BNC2: variants seen among roughly 807,000 people sequenced by gnomAD.
BNC2 encodes the protein zinc finger protein basonuclin-2.
Under a neutral mutation model 76.3 loss-of-function variants are expected in BNC2, and 20 were observed. That is an observed-to-expected ratio of 0.26 (90% CI 0.18 to 0.38). The LOEUF (loss-of-function observed/expected upper bound fraction) is 0.38, where lower values mean the gene tolerates loss of function less well. BNC2 is among the 10% of genes least tolerant of loss of function. The pLI is 1.00. For missense variants in BNC2, 1,382 were observed against 1,399.8 expected (o/e 0.99, Z 0.20); for synonymous variants, 582 against 514.8 (o/e 1.13, Z -1.77).
chr9:16,695,531 CTTTCTTTT>C (rs2049105779), intron 3 of BNC2, among the ~76,000 whole-genome samples: 1 of 107,824 alleles, frequency 9.3e-6, no homozygotes, highest in African/African-American at 3.3e-5. Flanking sequence ...TTTTCTTTTT[CTTTCTTTT>C]TTTTTTTTTT....
At chr9:16,817,048 C>G (rs916034748) in intron 1 of BNC2, among the ~76,000 whole-genome samples, 4 of 152,136 alleles carry the variant, frequency 2.6e-5, no homozygotes, top group Non-Finnish European at 5.9e-5. Flanking sequence ...TTTAGGAAAA[C>G]CTTCCTGCAT....
At chr9:16,778,848 G>A (rs1273187382) in intron 1 of BNC2, among the ~76,000 whole-genome samples, 1 of 152,134 alleles carries the variant, frequency 6.6e-6, no homozygotes, top group East Asian at 1.9e-4. Flanking sequence ...CAGAGGAAGG[G>A]GAAAGGCAGC....
At chr9:16,824,970 T>C (rs1222767411) in intron 1 of BNC2, among the ~76,000 whole-genome samples, 2 of 152,106 alleles carry the variant, frequency 1.3e-5, no homozygotes, top group South Asian at 2.1e-4. Flanking sequence ...AAACCTGCCA[T>C]CTGGTGTTAA....
chr9:16,424,054 A>G (rs1207166105), intron 6 of BNC2, among the ~76,000 whole-genome samples: 1 of 152,166 alleles, frequency 6.6e-6, no homozygotes, highest in African/African-American at 2.4e-5. Context: ...CCATGCAACC[A>G]CAGAAGACAT....
intron 5 of BNC2, among the ~76,000 whole-genome samples, chr9:16,485,111 G>GGC (rs1822135431): frequency 1.4e-5 from 2 of 143,560 alleles, no homozygotes; most frequent in Admixed American, 1.4e-4. Flanking sequence ...GACACACACA[G>GGC]ACACACACAC....
intron 3 of BNC2, among the ~76,000 whole-genome samples, chr9:16,592,207 T>G (rs991454354): frequency 9.2e-5 from 14 of 152,214 alleles, no homozygotes; most frequent in African/African-American, 3.1e-4. Context: ...CGAAAGAGAT[T>G]CACTGGGAAA....
chr9:16,601,616 G>C (rs1820246791), intron 3 of BNC2, among the ~76,000 whole-genome samples: 1 of 152,134 alleles, frequency 6.6e-6, no homozygotes, highest in South Asian at 2.1e-4. Flanking sequence ...ACACTCCTGA[G>C]CCTGAAAATG....
intron 1 of BNC2, among the ~76,000 whole-genome samples, chr9:16,799,735 T>C (rs1458528142): frequency 1.3e-5 from 2 of 152,124 alleles, no homozygotes; most frequent in African/African-American, 2.4e-5. Context: ...CCCAGTAAGG[T>C]AATCACCCAA....
chr9:16,454,589 C>G (rs1171279709), intron 5 of BNC2, among the ~76,000 whole-genome samples: 1 of 152,160 alleles, frequency 6.6e-6, no homozygotes, highest in Non-Finnish European at 1.5e-5. Flanking sequence ...CAGGCGTGAG[C>G]CACACAACAC....
intron 3 of BNC2, among the ~76,000 whole-genome samples, chr9:16,662,893 C>T (rs1481683271): frequency 6.6e-6 from 1 of 152,078 alleles, no homozygotes; most frequent in African/African-American, 2.4e-5. Context: ...TAATTTTAAA[C>T]AAATGCTTTT....
intron 5 of BNC2, among the ~76,000 whole-genome samples, chr9:16,483,907 C>G (rs992073435): frequency 6.6e-6 from 1 of 152,190 alleles, no homozygotes; most frequent in East Asian, 1.9e-4. Flanking sequence ...GCTCCACTCA[C>G]CCAAACTACT....
chr9:16,506,958 T>C (rs1363491165), intron 5 of BNC2, among the ~76,000 whole-genome samples: 2 of 152,062 alleles, frequency 1.3e-5, no homozygotes, highest in Non-Finnish European at 2.9e-5. Flanking sequence ...TCACACCACA[T>C]TGACCAGGCT....
At chr9:16,551,167 AT>A (rs1247704623) in intron 5 of BNC2, among the ~76,000 whole-genome samples, 1 of 152,202 alleles carries the variant, frequency 6.6e-6, no homozygotes, top group Non-Finnish European at 1.5e-5. Flanking sequence ...AATTGCTACT[AT>A]TATCACCATC....
rs759571634 is a variant in BNC2, at chr9:16,410,906, T to C, written c.*8083A>G. On this transcript the variant is annotated 3_prime_UTR_variant, in exon 7 of 7. Transcript: ENST00000380672. ...GGTGTATACATCTCAAGTGAACCTA[T>C]TAACTCAGCACATTGTCTGGGAGCT... The C allele has an allele frequency of 1.3e-5, 2 of 152,184 alleles. No individual in the cohort carries two copies. The highest frequency in any genetic ancestry group is 2.9e-5 in the Non-Finnish European group (2 of 68,024). The allele number at this position is 152,184 out of a possible 1,614,324, so 9.4% of individuals were successfully genotyped here.
At position 16,687,047 on chromosome 9, in the gene BNC2, C is replaced by G. The variant is rs1011518424; in HGVS notation, c.330+40750G>C. Among the ~76,000 whole-genome samples the G allele has an allele frequency of 3.3e-5, 5 of 152,042 alleles. No homozygotes were observed. The East Asian group carries it at 9.7e-4, about 29-fold the overall frequency. Reference sequence around the variant, plus strand: ...CCTCATTTTCCTCTCAACACTCTTACGGAGTATGAGCATCTCCAGTCTACA... The same window carrying G: ...CCTCATTTTCCTCTCAACACTCTTAGGGAGTATGAGCATCTCCAGTCTACA... On this transcript the variant is annotated intron_variant, in intron 3 of 6. Coordinates refer to ENST00000380672, the MANE Select transcript of BNC2 (RefSeq NM_017637.6).
chr9:16,738,216 C>T, intron 2 of BNC2, 144 bp downstream of exon 2: 1 of 887,446 alleles, frequency 1.1e-6, no homozygotes, highest in Non-Finnish European at 1.8e-6. Context: ...CAAATAAATA[C>T]CTGAGTTTCA....
At chr9:16,440,775 C>T (rs1216743995) in intron 5 of BNC2, among the ~76,000 whole-genome samples, 1 of 152,188 alleles carries the variant, frequency 6.6e-6, no homozygotes, top group Admixed American at 6.5e-5. Context: ...GTTGCTGTCT[C>T]TGCTAAAATG....
intron 1 of BNC2, among the ~76,000 whole-genome samples, chr9:16,798,028 G>A (rs371847503): frequency 2.0e-5 from 3 of 152,080 alleles, no homozygotes; most frequent in African/African-American, 7.2e-5. Flanking sequence ...GTTCACCCTG[G>A]GCATTCCTGC....
intron 3 of BNC2, among the ~76,000 whole-genome samples, chr9:16,677,942 T>C (rs1822701470): frequency 6.6e-6 from 1 of 152,166 alleles, no homozygotes; most frequent in Non-Finnish European, 1.5e-5. Flanking sequence ...TAATTATAGA[T>C]ATAAATCTTT....
Sources: allele counts gnomAD v4.1 joint callset (sites outside exome capture counted in the v4.1 genomes callset), GRCh38; gene constraint gnomAD v4.1.1; transcripts MANE v1.5; gene names NCBI Gene and HGNC (gene_info 2026-07-23, HGNC 2026-07-21).